AP3B1: variants seen among roughly 807,000 people sequenced by gnomAD.
AP3B1 encodes the protein adaptor related protein complex 3 subunit beta 1, also known as AP-3 complex subunit beta-1.
AP3B1 carries 61 observed loss-of-function variants against 132.5 expected under a neutral mutation model. The ratio of observed to expected loss-of-function variants is 0.46; its 90% CI spans 0.37 to 0.57. The LOEUF (loss-of-function observed/expected upper bound fraction) is 0.57, where lower values mean the gene tolerates loss of function less well. AP3B1 is among the 20% of genes least tolerant of loss of function. The pLI is 0.00. For missense variants in AP3B1, 1,120 were observed against 1,289.4 expected, an observed-to-expected ratio of 0.87 and a Z score of 2.01; for synonymous variants, 388 against 438.3, an observed-to-expected ratio of 0.89 and a Z score of 1.43.
At chr5:78,058,649 C>T (rs1040658053) in intron 22 of AP3B1, among the ~76,000 whole-genome samples, 2 of 152,104 alleles carry the variant, frequency 1.3e-5, no homozygotes, top group East Asian at 3.8e-4. Context: ...CTGAAAATTT[C>T]AAATTTCTCT....
rs70997968 is a variant in AP3B1 at position 78,117,172 on chromosome 5, CTT to C, written c.1969-940_1969-939del. On this transcript the variant is annotated intron_variant, in intron 17 of 26. Coordinates refer to ENST00000255194, the MANE Select transcript of AP3B1 (RefSeq NM_003664.5). ...CACTTCCAACACCATTCCCCACCAC[CTT>C]TTTTTTTTTTTTTTTTTTAATCACA... is the stretch of plus-strand genomic sequence containing the variant. Among the ~76,000 whole-genome samples, 131 of 122,194 alleles carry C rather than the reference CTT, an allele frequency of 1.1e-3. 1 individual carries two copies. The highest frequency in any genetic ancestry group is 2.6e-3 in the Admixed American group (29 of 11,060). 80.2% of individuals were successfully genotyped at this position (122,194 alleles called of 152,430 possible). A position where few individuals can be genotyped will look rare whatever the true frequency, so the allele number is the denominator to read the frequency against.
rs1283996817 is a variant in AP3B1, at chr5:78,039,091, C to T, written c.2761G>A (p.Glu921Lys). The stretch of plus-strand genomic sequence containing the variant: ...TTCATGCCTATAGGAAGTTTTTTTT[C>T]CCCTATGTGGATATTTTCTATCTTT... ...DRKIENIHIG[E>K]KKLPIGMKMH... The change falls in exon 23 of 27, where the codon GAA becomes AAA. Residue 921 changes from glutamate to lysine, a missense_variant. Physicochemically the swap from Glu to Lys is moderately conservative, Grantham distance 56. Around this residue, in one of 3 missense-constraint regions of AP3B1, gnomAD observed 906 missense variants for 997.1 expected, o/e 0.91. Transcript: ENST00000255194. 4 of 1,607,810 alleles carry T rather than the reference C, an allele frequency of 2.5e-6. No individual in the cohort carries two copies. The highest frequency in any genetic ancestry group is 2.7e-5 in the African/African-American group (2 of 74,256).
chr5:78,121,851 C>A (rs1411837253), intron 17 of AP3B1: 7 of 152,196 alleles, frequency 4.6e-5, no homozygotes, highest in Non-Finnish European at 8.8e-5. Flanking sequence ...TTTAGGAGGC[C>A]AGCATCATCC....
At chr5:78,048,611 C>T (rs1381767810) in intron 22 of AP3B1, among the ~76,000 whole-genome samples, 1 of 152,016 alleles carries the variant, frequency 6.6e-6, no homozygotes, top group Non-Finnish European at 1.5e-5. Flanking sequence ...GCCACATTTC[C>T]TGCCACATTG....
chr5:78,180,884 G>A (rs374490602), intron 8 of AP3B1, among the ~76,000 whole-genome samples: 4 of 151,626 alleles, frequency 2.6e-5, no homozygotes, highest in Non-Finnish European at 4.4e-5. Flanking sequence ...TTTGTATTGT[G>A]CACATGTATT....
At chr5:78,144,569 T>C (rs1026874254) in intron 14 of AP3B1, among the ~76,000 whole-genome samples, 3 of 151,876 alleles carry the variant, frequency 2.0e-5, no homozygotes, top group African/African-American at 4.9e-5. Flanking sequence ...GCAAATCAGA[T>C]CTAATACTCT....
At chr5:78,157,389 G>C (rs1743196134) in intron 13 of AP3B1, among the ~76,000 whole-genome samples, 1 of 152,106 alleles carries the variant, frequency 6.6e-6, no homozygotes, top group African/African-American at 2.4e-5. Flanking sequence ...TGTGCCATCT[G>C]TTTCTTGCCA....
intron 2 of AP3B1, among the ~76,000 whole-genome samples, chr5:78,266,296 C>T (rs1748320052): frequency 6.6e-6 from 1 of 152,130 alleles, no homozygotes; most frequent in South Asian, 2.1e-4. Flanking sequence ...ATAAATACTC[C>T]TATGTATAGA....
At chr5:78,133,449 G>A (rs1752769113) in intron 15 of AP3B1, among the ~76,000 whole-genome samples, 1 of 152,186 alleles carries the variant, frequency 6.6e-6, no homozygotes, top group East Asian at 1.9e-4. Context: ...TCAAAGCGGA[G>A]GTCTACAAAT....
chr5:78,165,595 G>C lies in AP3B1; in HGVS notation c.1230+15C>G. On this transcript the variant is annotated intron_variant, in intron 12 of 26. Transcript: ENST00000255194. Reference sequence around the variant, plus strand: ...ATGTTTTAGAAGTTTTTTATAATTAGCACTGTACACAAACCTGAAATTCTC... The same window carrying C: ...ATGTTTTAGAAGTTTTTTATAATTACCACTGTACACAAACCTGAAATTCTC... 2 of 1,580,700 alleles carry C rather than the reference G, an allele frequency of 1.3e-6. No individual in the cohort carries two copies. Among genetic ancestry groups the C allele is most frequent in the South Asian group, 2.2e-5 (2 of 89,956 alleles).
chr5:78,267,192 G>A (rs1447626486), intron 2 of AP3B1, among the ~76,000 whole-genome samples: 1 of 152,002 alleles, frequency 6.6e-6, no homozygotes, highest in Non-Finnish European at 1.5e-5. Flanking sequence ...GTATCCCTCT[G>A]TGTAGGAAGT....
chr5:78,039,166 C>G lies in AP3B1; in HGVS notation c.2686G>C (p.Gly896Arg), dbSNP rs1338111569. Reference protein sequence around the residue: ...YFFPRQPCIFGDKMVSIQITL... With the variant: ...YFFPRQPCIFRDKMVSIQITL... The stretch of plus-strand genomic sequence containing the variant: ...ATTTGTATAGAGACCATCTTATCAC[C>G]AAAAATGCAAGGCTGTCTTGGAAAG... The change falls in exon 23 of 27, where the codon GGT becomes CGT. Residue 896 changes from glycine (G) to arginine (R), a missense_variant. Gly to Arg is a moderately radical substitution (Grantham distance 125, BLOSUM62 -2). This residue lies in a region of AP3B1 where 906 missense variants were observed against 997.1 expected (regional missense o/e 0.91). Coordinates refer to ENST00000255194, the MANE Select transcript of AP3B1 (RefSeq NM_003664.5). 31 of 1,613,630 alleles carry G rather than the reference C, an allele frequency of 1.9e-5. No homozygotes were observed. The highest frequency in any genetic ancestry group is 2.6e-5 in the Non-Finnish European group (31 of 1,179,826).
At chr5:78,187,664 C>G (rs1744655998) in intron 7 of AP3B1, among the ~76,000 whole-genome samples, 1 of 152,104 alleles carries the variant, frequency 6.6e-6, no homozygotes, top group South Asian at 2.1e-4. Flanking sequence ...CTGCCCAAAG[C>G]AATTTATAGA....
intron 17 of AP3B1, among the ~76,000 whole-genome samples, chr5:78,119,584 G>GT (rs1752058629): frequency 6.6e-6 from 1 of 152,186 alleles, no homozygotes; most frequent in South Asian, 2.1e-4. Flanking sequence ...GGAAGAAAGG[G>GT]TATCAGTGAT....
Position 78,193,744 on chromosome 5 carries a change from T to TTATATA in AP3B1, c.787-12088_787-12083dup, listed in dbSNP as rs10602406. On this transcript the variant is annotated intron_variant, in intron 7 of 26. Transcript: ENST00000255194. The stretch of plus-strand genomic sequence containing the variant: ...TTTTTAAATATTTGTATATATTTTT[T>TTATATA]TATATATATATATATATATATATAT... Among the ~76,000 whole-genome samples the TTATATA allele has an allele frequency of 7.3e-3, 810 of 110,354 alleles. 6 individuals are homozygous for TTATATA. Among genetic ancestry groups the TTATATA allele is most frequent in the Middle Eastern group, 0.024 (4 of 168 alleles). 72.4% of individuals were successfully genotyped at this position (110,354 alleles called of 152,430 possible). A position where few individuals can be genotyped will look rare whatever the true frequency, so the allele number is the denominator to read the frequency against.
At chr5:78,097,223 CCGGGAGGGAGG>C (rs1750875600) in intron 21 of AP3B1, among the ~76,000 whole-genome samples, 1 of 123,852 alleles carries the variant, frequency 8.1e-6, no homozygotes. Context: ...GCCACCCCGT[CCGGGAGGGAGG>C]TGGGGGGGTC....
chr5:78,010,322 C>T lies in AP3B1; in HGVS notation c.3131+5088G>A, dbSNP rs765838109. 3.3e-5 allele frequency among the ~76,000 whole-genome samples: 5 copies of T among 152,188 alleles called. No homozygotes were observed. In the South Asian group the frequency reaches 6.2e-4, roughly 19 times the overall value. The stretch of plus-strand genomic sequence containing the variant: ...CCAGGCAGCCTCAAACTGTGGACTT[C>T]GGAACATTTGCCTTCCAACCACTTG... On this transcript the variant is annotated intron_variant, in intron 26 of 26. Transcript: ENST00000255194.
chr5:78,213,189 A>G (rs1222899198), intron 7 of AP3B1, among the ~76,000 whole-genome samples: 2 of 152,084 alleles, frequency 1.3e-5, no homozygotes, highest in Non-Finnish European at 1.5e-5. Flanking sequence ...TCGTCTGCCA[A>G]CTTCTAAAGC....
Position 78,039,128 on chromosome 5 carries a change from G to A in AP3B1, c.2724C>T (p.Asn908=). The change falls in exon 23 of 27, where the codon AAC becomes AAT. Residue 908 remains asparagine, a synonymous_variant. Transcript: ENST00000255194. ...TATTTTCTATCTTTCGATCAGTAGTGTTATTCAGTGTTATTTGTATAGAGA... is the reference window on the plus strand; with the variant it reads ...TATTTTCTATCTTTCGATCAGTAGTATTATTCAGTGTTATTTGTATAGAGA... ...KMVSIQITLN[N]TTDRKIENIH... is the part of the protein sequence containing the mutation. The A allele has an allele frequency of 6.2e-7, 1 of 1,613,468 alleles. No individual in the cohort carries two copies.
Sources: gnomAD v4.1 joint callset for allele counts (sites outside exome capture counted in the v4.1 genomes callset) on GRCh38, gnomAD v4.1.1 for gene constraint, gnomAD v4.1.1 regional missense constraint, MANE v1.5 for transcripts, NCBI Gene and HGNC (gene_info 2026-07-23, HGNC 2026-07-21) for gene names.